SLC35D1: variants seen among roughly 807,000 people sequenced by gnomAD.
SLC35D1 encodes the protein solute carrier family 35 member D1, also known as nucleotide sugar transporter SLC35D1.
SLC35D1 carries 31 observed loss-of-function variants against 46.7 expected under a neutral mutation model. That is an observed-to-expected ratio of 0.66 (90% confidence interval 0.50 to 0.90). The LOEUF (loss-of-function observed/expected upper bound fraction) is 0.90, where lower values mean the gene tolerates loss of function less well. Ranked by LOEUF, SLC35D1 falls within the 40% of genes least tolerant of loss-of-function variation. The pLI, the probability that SLC35D1 is intolerant of heterozygous loss-of-function variation, is 0.00. For synonymous variants in SLC35D1, 195 were observed against 164.6 expected (o/e 1.18, Z -1.41); for missense variants, 397 against 426.2 (o/e 0.93, Z 0.60).
At chr1:67,053,664 G>C in intron 1 of SLC35D1, 147 bp downstream of exon 1, 1 of 731,420 alleles carries the variant, frequency 1.4e-6, no homozygotes, top group Middle Eastern at 4.7e-4. Flanking sequence ...TGCCCGGGCC[G>C]CGCGCGTCAG....
At chr1:67,051,977 T>C in intron 4 of SLC35D1, 35 bp downstream of exon 4, 1 of 1,357,166 alleles carries the variant, frequency 7.4e-7, no homozygotes, top group Non-Finnish European at 1.1e-6. Context: ...GAATACATTA[T>C]ATTAACCTCA....
At chr1:67,050,301 AG>A in intron 5 of SLC35D1, 131 bp downstream of exon 5, 2 of 680,224 alleles carry the variant, frequency 2.9e-6, no homozygotes, top group South Asian at 3.7e-5. Flanking sequence ...CAATTCCAGC[AG>A]CCAAGAGAGA....
chr1:67,035,148 G>A (rs900374809), intron 8 of SLC35D1, among the ~76,000 whole-genome samples: 22 of 151,976 alleles, frequency 1.4e-4, no homozygotes, highest in East Asian at 1.9e-4. Context: ...GTGTGTGTGC[G>A]CGCGTGTGTG....
At chr1:66,983,841 C>A in the SLC35D1 span, among the ~76,000 whole-genome samples, 1 of 152,180 alleles carries the variant, frequency 6.6e-6, no homozygotes, top group Non-Finnish European at 1.5e-5. Flanking sequence ...GATTCTGCTG[C>A]CTCAGCCTTC....
the SLC35D1 span, among the ~76,000 whole-genome samples, chr1:66,973,247 C>A: frequency 6.6e-6 from 1 of 152,096 alleles, no homozygotes; most frequent in Non-Finnish European, 1.5e-5. Context: ...TAATCAACTT[C>A]TAGTTGGGGT....
chr1:67,033,937 G>T (rs1668072482), intron 8 of SLC35D1, among the ~76,000 whole-genome samples: 1 of 152,168 alleles, frequency 6.6e-6, no homozygotes, highest in Non-Finnish European at 1.5e-5. Context: ...ACACTGAAGA[G>T]ACTGTCCCTT....
chr1:67,008,395 C>A, intron 11 of SLC35D1: 1 of 1,288,140 alleles, frequency 7.8e-7, no homozygotes, highest in Non-Finnish European at 1.0e-6. Context: ...CCTCAGCCTC[C>A]CAAAGTGGCA....
intron 8 of SLC35D1, among the ~76,000 whole-genome samples, chr1:67,037,250 T>C (rs1444953667): frequency 1.3e-5 from 2 of 152,162 alleles, no homozygotes; most frequent in Non-Finnish European, 2.9e-5. Flanking sequence ...AGTGTATAAG[T>C]AGATATTTTG....
the SLC35D1 span, chr1:66,985,004 A>C: frequency 2.8e-6 from 4 of 1,428,386 alleles, no homozygotes; most frequent in African/African-American, 5.8e-5. Context: ...AGCAGTTTGA[A>C]AATTTGAATT....
chr1:67,011,435 C>G (rs1024218733), intron 10 of SLC35D1, among the ~76,000 whole-genome samples: 15 of 152,158 alleles, frequency 9.9e-5, no homozygotes, highest in African/African-American at 3.6e-4. Flanking sequence ...CCTGTGGAAT[C>G]TGGTCAAGTG....
At chr1:67,053,770 C>T in intron 1 of SLC35D1, 41 bp downstream of exon 1, 1 of 1,490,372 alleles carries the variant, frequency 6.7e-7, no homozygotes, top group Admixed American at 2.3e-5. Flanking sequence ...CCGCCGCCCG[C>T]TCCTCCTCCG....
At chr1:66,976,241 A>T in the SLC35D1 span, among the ~76,000 whole-genome samples, 1 of 150,176 alleles carries the variant, frequency 6.7e-6, no homozygotes. Context: ...TGACCTCGTG[A>T]TCCACCCCCC....
In SLC35D1 at chr1:67,042,272, G is replaced by A. The variant is rs766058146; in HGVS notation, c.693C>T (p.Thr231=). 2.5e-6 allele frequency: 4 copies of A among 1,613,966 alleles called. No homozygotes were observed. The African/African-American group carries it at 5.3e-5, about 22-fold the overall frequency. ...CTCCTGTGAAATACGCAATGGCCAG[G>A]GTGGGCAGAATCATGAACAGTGCAT... is the stretch of plus-strand genomic sequence containing the variant. The part of the protein sequence containing the change: ...YYNALFMILP[T]LAIAYFTGDA... Residue 231 remains threonine (T), a synonymous_variant, in exon 8 of 12, where the codon ACC becomes ACT. Coordinates refer to ENST00000235345, the MANE Select transcript of SLC35D1 (RefSeq NM_015139.3).
rs1667371753 is a variant in SLC35D1 at position 67,002,967 on chromosome 1, G to A, written c.*1373C>T. ...CAGATTACCCCAAGAGGCAATTTAG[G>A]CAGTGCCCATTCACAGCTGCTCTCC... On this transcript the variant is annotated 3_prime_UTR_variant, in exon 12 of 12. Transcript: ENST00000235345. The A allele has an allele frequency of 6.6e-6, 1 of 152,330 alleles. No homozygotes were observed. The highest frequency in any genetic ancestry group is 1.5e-5 in the Non-Finnish European group (1 of 68,062). The allele number at this position is 152,330 out of a possible 1,614,324, so 9.4% of individuals were successfully genotyped here.
rs1179903125 is a variant in SLC35D1, at chr1:67,050,489, T to C, written c.408A>G (p.Thr136=). ...STKKLNLPMF[T]VLRRFSILFT... ...ACAGGATGGAGAACCTTCTCAGAAC[T>C]GTAAACATTGGCAAGCTGGAAAAAA... The change falls in exon 5 of 12, where the codon ACA becomes ACG. Residue 136 remains threonine (T), a synonymous_variant. Coordinates refer to ENST00000235345, the MANE Select transcript of SLC35D1 (RefSeq NM_015139.3). 6.2e-7 allele frequency: 1 copy of C among 1,610,784 alleles called. No homozygotes were observed. Among genetic ancestry groups the C allele is most frequent in the East Asian group, 2.2e-5 (1 of 44,824 alleles).
intron 11 of SLC35D1, among the ~76,000 whole-genome samples, chr1:67,005,201 C>T (rs1231543995): frequency 6.6e-6 from 1 of 152,236 alleles, no homozygotes; most frequent in African/African-American, 2.4e-5. Context: ...TCCACTGAGA[C>T]TGCCACCCAG....
At chr1:67,008,746 C>T (rs186444870) in intron 11 of SLC35D1, among the ~76,000 whole-genome samples, 2 of 152,158 alleles carry the variant, frequency 1.3e-5, no homozygotes, top group East Asian at 3.9e-4. Context: ...AACAACAGTC[C>T]TAATGTCCAC....
chr1:66,994,449 G>A (rs143677288), downstream of SLC35D1, among the ~76,000 whole-genome samples: 2 of 152,204 alleles, frequency 1.3e-5, no homozygotes, highest in East Asian at 3.9e-4. Context: ...TTCGAGACCA[G>A]CCTGGCCAAC....
At chr1:67,041,886 A>G (rs1343726675) in intron 8 of SLC35D1, among the ~76,000 whole-genome samples, 1 of 152,192 alleles carries the variant, frequency 6.6e-6, no homozygotes, top group Non-Finnish European at 1.5e-5. Flanking sequence ...GAATTTTACT[A>G]TTTCAAGATT....
Sources: gnomAD v4.1 joint callset for allele counts (sites outside exome capture counted in the v4.1 genomes callset) on GRCh38, gnomAD v4.1.1 for gene constraint, MANE v1.5 for transcripts, NCBI Gene and HGNC (gene_info 2026-07-23, HGNC 2026-07-21) for gene names.